CNBD1: variants seen among roughly 807,000 people sequenced by gnomAD.
CNBD1 encodes cyclic nucleotide binding domain containing 1, also known as cyclic nucleotide-binding domain-containing protein 1.
Under a neutral mutation model 54.4 loss-of-function variants are expected in CNBD1, and 71 were observed. The observed-to-expected ratio is 1.30, with a 90% confidence interval of 1.08 to 1.59. The LOEUF (loss-of-function observed/expected upper bound fraction) is 1.59, where lower values mean the gene tolerates loss of function less well. CNBD1 is among the 40% of genes most tolerant of loss of function. The pLI is 0.00. For synonymous variants in CNBD1, 182 were observed against 170.7 expected (o/e 1.07, Z -0.51); for missense variants, 659 against 518.0 (o/e 1.27, Z -2.64).
chr8:87,084,875 A>T (rs952757868), intron 4 of CNBD1, among the ~76,000 whole-genome samples: 4 of 151,824 alleles, frequency 2.6e-5, no homozygotes, highest in African/African-American at 9.7e-5. Flanking sequence ...GGGTTTTTCC[A>T]TGTTGGTCAG....
At chr8:87,386,872 C>T (rs936709075), downstream of CNBD1, among the ~76,000 whole-genome samples, 2 of 152,132 alleles carry the variant, frequency 1.3e-5, no homozygotes, top group Non-Finnish European at 2.9e-5. Flanking sequence ...GTGGGGTTAC[C>T]CACAAAGGGA....
chr8:86,944,332 A>G (rs1159458605), intron 4 of CNBD1, among the ~76,000 whole-genome samples: 2 of 152,174 alleles, frequency 1.3e-5, no homozygotes, highest in Non-Finnish European at 2.9e-5. Context: ...AACACACAAT[A>G]TCTTTGCCCT....
chr8:86,905,196 T>TA lies in CNBD1; in HGVS notation c.272+4dup, dbSNP rs773574550. The TA allele has an allele frequency of 1.4e-5, 21 of 1,536,842 alleles. No individual in the cohort carries two copies. Among genetic ancestry groups the TA allele is most frequent in the Non-Finnish European group, 1.7e-5 (19 of 1,111,682 alleles). ...ACTTTTCAAACAGGAGGAACAAAGG[T>TA]AATGATACCTTCTTTTGAAAGCAAG... On this transcript the variant is annotated splice_region_variant and intron_variant, in intron 3 of 10. Coordinates refer to ENST00000518476, the MANE Select transcript of CNBD1 (RefSeq NM_173538.3).
intron 6 of CNBD1, among the ~76,000 whole-genome samples, chr8:87,248,579 G>T (rs1307797304): frequency 6.6e-6 from 1 of 152,180 alleles, no homozygotes; most frequent in Admixed American, 6.5e-5. Context: ...AGCTTTGAAG[G>T]TCTCATGGCT....
intron 3 of CNBD1, among the ~76,000 whole-genome samples, chr8:86,930,428 G>A (rs1809437860): frequency 6.6e-6 from 1 of 152,160 alleles, no homozygotes; most frequent in Non-Finnish European, 1.5e-5. Flanking sequence ...GGACCAGAGT[G>A]CCTGGACTTG....
chr8:87,378,863 C>T (rs1811009887), intron 10 of CNBD1, among the ~76,000 whole-genome samples: 1 of 149,202 alleles, frequency 6.7e-6, no homozygotes, highest in Admixed American at 6.7e-5. Flanking sequence ...TTGAAAAGGT[C>T]CTTCATATCC....
chr8:87,318,233 A>G (rs1809441943), intron 8 of CNBD1, among the ~76,000 whole-genome samples: 1 of 151,932 alleles, frequency 6.6e-6, no homozygotes, highest in African/African-American at 2.4e-5. Flanking sequence ...TTATATACCC[A>G]TGCTTCTTTG....
At position 87,163,419 on chromosome 8, in the gene CNBD1, ATAATT is replaced by A. The variant is rs1812896826; in HGVS notation, c.432-42569_432-42565del. 2.0e-5 allele frequency among the ~76,000 whole-genome samples: 3 copies of A among 152,050 alleles called. No individual in the cohort carries two copies. In the South Asian group the frequency reaches 6.2e-4, roughly 31 times the overall value. ...CTGCAGATCACTTCAGGTCATATGAATAATTTAATATTAATTTCTTCAACCCATGA... is the reference window on the plus strand; with the variant it reads ...CTGCAGATCACTTCAGGTCATATGAATAATATTAATTTCTTCAACCCATGA... On this transcript the variant is annotated intron_variant, in intron 4 of 10. Coordinates refer to ENST00000518476, the MANE Select transcript of CNBD1 (RefSeq NM_173538.3). This position sits in a 1 kb window ranked among gnomAD's most constrained non-coding sequence, Gnocchi z 4.5.
chr8:87,043,863 C>T (rs925665807), intron 4 of CNBD1, among the ~76,000 whole-genome samples: 1 of 152,222 alleles, frequency 6.6e-6, no homozygotes, highest in African/African-American at 2.4e-5. Context: ...TTTGCTATTT[C>T]ATCCCTGCCC....
intron 4 of CNBD1, among the ~76,000 whole-genome samples, chr8:87,094,128 AGG>A (rs1175925194): frequency 2.0e-5 from 3 of 152,190 alleles, no homozygotes; most frequent in African/African-American, 7.2e-5. Context: ...TGGGTGGGGC[AGG>A]TCCACTGAAT....
intron 4 of CNBD1, among the ~76,000 whole-genome samples, chr8:87,205,026 A>G (rs1439908007): frequency 6.6e-6 from 1 of 152,096 alleles, no homozygotes; most frequent in African/African-American, 2.4e-5. Context: ...ACACACACAG[A>G]CATAAACCTG....
chr8:86,979,273 A>T lies in CNBD1; in HGVS notation c.431+39519A>T, dbSNP rs746784727. 2.0e-5 allele frequency among the ~76,000 whole-genome samples: 3 copies of T among 152,044 alleles called. No homozygotes were observed. The East Asian group carries it at 5.8e-4, about 29-fold the overall frequency. On this transcript the variant is annotated intron_variant, in intron 4 of 10. Transcript: ENST00000518476. ...ATTAAAAGAATAAAGACTATAATAA[A>T]TAACACTGAGGGCTGGATGTGGTGG...
chr8:86,996,403 A>G (rs1185918630), intron 4 of CNBD1, among the ~76,000 whole-genome samples: 1 of 152,224 alleles, frequency 6.6e-6, no homozygotes, highest in African/African-American at 2.4e-5. Context: ...CATCAATAAC[A>G]TTGAAAATTC....
intron 4 of CNBD1, among the ~76,000 whole-genome samples, chr8:87,118,734 T>C (rs1811830410): frequency 6.6e-6 from 1 of 152,208 alleles, no homozygotes; most frequent in Non-Finnish European, 1.5e-5. Flanking sequence ...CTGGCTAATA[T>C]TGGAAAGATC....
chr8:87,419,138 A>C (rs944457467), intron 2 of CNBD1, among the ~76,000 whole-genome samples: 4 of 151,930 alleles, frequency 2.6e-5, no homozygotes, highest in Non-Finnish European at 5.9e-5. Context: ...TGAAGTACTG[A>C]TTTATGCTAC....
At position 87,236,992 on chromosome 8, in the gene CNBD1, G is replaced by T. The variant is rs375254057; in HGVS notation, c.651G>T (p.Leu217=). Residue 217 remains leucine (L), a synonymous_variant, in exon 6 of 11, where the codon CTG becomes CTT. Coordinates refer to ENST00000518476, the MANE Select transcript of CNBD1 (RefSeq NM_173538.3). ...ARPQTNVYKN[L]IEGSDSPDSF... ...CTCAAACAAACGTGTATAAAAATCT[G>T]ATTGAAGGAAGTGATTCACCAGACT... 5.6e-6 allele frequency: 9 copies of T among 1,612,326 alleles called. No individual in the cohort carries two copies. Among genetic ancestry groups the T allele is most frequent in the Non-Finnish European group, 7.6e-6 (9 of 1,178,714 alleles).
At chr8:87,170,028 G>C (rs1359051472) in intron 4 of CNBD1, among the ~76,000 whole-genome samples, 1 of 151,962 alleles carries the variant, frequency 6.6e-6, no homozygotes, top group Non-Finnish European at 1.5e-5. Flanking sequence ...TAACAATTTT[G>C]ATTCTTCTAA....
intron 8 of CNBD1, among the ~76,000 whole-genome samples, chr8:87,327,490 G>T (rs1809705703): frequency 6.6e-6 from 1 of 152,222 alleles, no homozygotes; most frequent in Non-Finnish European, 1.5e-5. Flanking sequence ...AACCAGGTGT[G>T]GGATATAGTT....
intron 8 of CNBD1, among the ~76,000 whole-genome samples, chr8:87,309,636 G>C (rs980332555): frequency 6.6e-6 from 1 of 152,072 alleles, no homozygotes; most frequent in South Asian, 2.1e-4. Context: ...ATCTGTAGCT[G>C]TGTGTCTGTA....
Sources: gnomAD v4.1 joint callset for allele counts (sites outside exome capture counted in the v4.1 genomes callset) on GRCh38, gnomAD v4.1.1 for gene constraint, Gnocchi (gnomAD v3.1) non-coding constraint, MANE v1.5 for transcripts, NCBI Gene and HGNC (gene_info 2026-07-23, HGNC 2026-07-21) for gene names.